Variants in PKLR observed in about 807,000 individuals in gnomAD.
PKLR encodes pyruvate kinase PKLR.
A neutral mutation model predicts 53.6 loss-of-function variants in PKLR; 38 were observed. That is an observed-to-expected ratio of 0.71 (90% CI 0.55 to 0.93). The LOEUF (loss-of-function observed/expected upper bound fraction) is 0.93, where lower values mean the gene tolerates loss of function less well. Ranked by LOEUF, PKLR falls within the 40% of genes least tolerant of loss-of-function variation. The pLI, the probability that PKLR is intolerant of heterozygous loss-of-function variation, is 0.00. For missense variants in PKLR, 702 were observed against 787.3 expected, an observed-to-expected ratio of 0.89 and a Z score of 1.30; for synonymous variants, 328 against 316.2, an observed-to-expected ratio of 1.04 and a Z score of -0.39.
At chr1:155,302,237 CTTTTT>C (rs35615990), upstream of PKLR, among the ~76,000 whole-genome samples, 8 of 118,954 alleles carry the variant, frequency 6.7e-5, no homozygotes, top group African/African-American at 1.0e-4. Flanking sequence ...CTTTTCTTTT[CTTTTT>C]TTTTTTTTTT....
At chr1:155,290,711 A>C (rs753752736) in intron 10 of PKLR, 33 bp from the exon 11 acceptor site, 2 of 1,309,028 alleles carry the variant, frequency 1.5e-6, no homozygotes, top group South Asian at 2.4e-5. Flanking sequence ...ATCATTGGAC[A>C]GGTGTGGTGG....
upstream of PKLR, chr1:155,301,517 T>TC: frequency 7.7e-7 from 1 of 1,302,496 alleles, no homozygotes; most frequent in Non-Finnish European, 1.1e-6. Flanking sequence ...GGCCACCCTG[T>TC]CCCCACAGAA....
At chr1:155,308,257 C>T in the PKLR span, among the ~76,000 whole-genome samples, 4 of 150,904 alleles carry the variant, frequency 2.7e-5, no homozygotes, top group Non-Finnish European at 4.4e-5. Flanking sequence ...TTAGTAGAGA[C>T]GGGGTTTCAC....
At chr1:155,294,447 G>A in intron 6 of PKLR, 35 bp downstream of exon 6, 20 of 1,614,212 alleles carry the variant, frequency 1.2e-5, no homozygotes, top group Middle Eastern at 1.6e-4. Flanking sequence ...GGGGAATAGC[G>A]ACAGGGCCGA....
Position 155,293,576 on chromosome 1 carries a change from C to T in PKLR, c.1131G>A (p.Met377Ile). The T allele has an allele frequency of 6.2e-7, 1 of 1,614,192 alleles. No homozygotes were observed. Among genetic ancestry groups the T allele is most frequent in the Non-Finnish European group, 8.5e-7 (1 of 1,180,036 alleles). Reference protein sequence around the residue: ...VVCATQMLESMITKPRPTRAE... With the variant: ...VVCATQMLESIITKPRPTRAE... The stretch of plus-strand genomic sequence containing the variant: ...CCCTCGTTGGCCGGGGCTTGGTAAT[C>T]ATGCTCTCCAGCATCTGGGGGACAG... Residue 377 changes from methionine to isoleucine, a missense_variant, in exon 8 of 11, where the codon ATG becomes ATA. Coordinates refer to ENST00000342741, the MANE Select transcript of PKLR (RefSeq NM_000298.6). The surrounding 1 kb of genome is among the most constrained non-coding windows in gnomAD (Gnocchi z 4.2).
At chr1:155,297,608 G>A (rs1216365405) in intron 2 of PKLR, among the ~76,000 whole-genome samples, 1 of 152,016 alleles carries the variant, frequency 6.6e-6, no homozygotes, top group African/African-American at 2.4e-5. Flanking sequence ...GCAGCAGCAG[G>A]GGAGGGGAGG....
At position 155,289,408 on chromosome 1, in the gene PKLR, G is replaced by A. The variant is rs758084305; in HGVS notation, c.*1164C>T. 6.6e-6 allele frequency: 1 copy of A among 152,212 alleles called. No individual in the cohort carries two copies. The highest frequency in any genetic ancestry group is 2.4e-5 in the African/African-American group (1 of 41,454). The allele number at this position is 152,212 out of a possible 1,614,324, so 9.4% of individuals were successfully genotyped here. A position where few individuals can be genotyped will look rare whatever the true frequency, so the allele number is the denominator to read the frequency against. On this transcript the variant is annotated 3_prime_UTR_variant, in exon 11 of 11. Transcript: ENST00000342741. ...CTTTTCAGGTAAGGAGACAGGAGGA[G>A]TAGGAGGAGGCAGGGCCTCTCCATG...
At chr1:155,306,973 G>GT in the PKLR span, among the ~76,000 whole-genome samples, 2 of 152,116 alleles carry the variant, frequency 1.3e-5, no homozygotes, top group Non-Finnish European at 2.9e-5. This position sits in a 1 kb window ranked among gnomAD's most constrained non-coding sequence, Gnocchi z 4.2. Context: ...CATTCCTCCC[G>GT]GAGCGATCTC....
chr1:155,298,163 G>A (rs1647703007), intron 2 of PKLR, among the ~76,000 whole-genome samples: 1 of 152,012 alleles, frequency 6.6e-6, no homozygotes, highest in South Asian at 2.1e-4. Flanking sequence ...AGCCTTCCGA[G>A]TAGCTGGGAC....
rs141341788 is a variant in PKLR, at chr1:155,300,270, C to A, written c.111G>T (p.Gly37=). The A allele has an allele frequency of 2.1e-4, 342 of 1,591,042 alleles. No homozygotes were observed. Among genetic ancestry groups the A allele is most frequent in the Admixed American group, 9.3e-4 (52 of 55,660 alleles). ...GGGCCACACTGGCCCGCCGCAGATA[C>A]CCCGCTGGCCCTGTGGTAGAAGGGG... ...ILIGAPGGPA[G]YLRRASVAQL... Residue 37 remains glycine (G), a synonymous_variant, in exon 2 of 11, where the codon GGG becomes GGT. Coordinates refer to ENST00000342741, the MANE Select transcript of PKLR (RefSeq NM_000298.6).
In PKLR at chr1:155,295,637, A is replaced by G. The variant is rs1434239489; in HGVS notation, c.375+28T>C. On this transcript the variant is annotated intron_variant, in intron 3 of 10. Coordinates refer to ENST00000342741, the MANE Select transcript of PKLR (RefSeq NM_000298.6). This position sits in a 1 kb window ranked among gnomAD's most constrained non-coding sequence, Gnocchi z 4.3. Reference sequence around the variant, plus strand: ...GGACCTCGAGGCATCCTCCTGCCCCACCCACTGCCCGGCGGCCCGTCCCGC... The same window carrying G: ...GGACCTCGAGGCATCCTCCTGCCCCGCCCACTGCCCGGCGGCCCGTCCCGC... 2.5e-6 allele frequency: 4 copies of G among 1,613,806 alleles called. No homozygotes were observed. The highest frequency in any genetic ancestry group is 1.7e-5 in the Admixed American group (1 of 60,024).
Position 155,295,804 on chromosome 1 carries a change from A to G in PKLR, c.284-48T>C. 6.5e-7 allele frequency: 1 copy of G among 1,544,270 alleles called. No homozygotes were observed. The highest frequency in any genetic ancestry group is 1.1e-5 in the South Asian group (1 of 89,734). On this transcript the variant is annotated intron_variant, in intron 2 of 10. Transcript: ENST00000342741. This position sits in a 1 kb window ranked among gnomAD's most constrained non-coding sequence, Gnocchi z 4.3. ...AGACAACGTTCCCCCAGAACATGAG[A>G]GGCAACCAAACCCAACCCATTACCA...
In PKLR at chr1:155,295,643, T is replaced by A; in HGVS notation, c.375+22A>T. The A allele has an allele frequency of 6.2e-7, 1 of 1,613,982 alleles. No individual in the cohort carries two copies. The highest frequency in any genetic ancestry group is 8.5e-7 in the Non-Finnish European group (1 of 1,179,924). On this transcript the variant is annotated intron_variant, in intron 3 of 10. Coordinates refer to ENST00000342741, the MANE Select transcript of PKLR (RefSeq NM_000298.6). The surrounding 1 kb of genome is among the most constrained non-coding windows in gnomAD (Gnocchi z 4.3). Reference sequence around the variant, plus strand: ...CGAGGCATCCTCCTGCCCCACCCACTGCCCGGCGGCCCGTCCCGCACCTCG... The same window carrying A: ...CGAGGCATCCTCCTGCCCCACCCACAGCCCGGCGGCCCGTCCCGCACCTCG...
At chr1:155,307,212 C>T in the PKLR span, among the ~76,000 whole-genome samples, 5 of 152,334 alleles carry the variant, frequency 3.3e-5, no homozygotes, top group African/African-American at 7.2e-5. Context: ...TGCACCCAGC[C>T]GTGTTTTGTC....
chr1:155,299,695 G>A (rs60856897), intron 2 of PKLR, among the ~76,000 whole-genome samples: 2 of 150,046 alleles, frequency 1.3e-5, no homozygotes, highest in African/African-American at 4.9e-5. Context: ...TAGTAGAGAC[G>A]GGGTTTCTCC....
At position 155,295,610 on chromosome 1, in the gene PKLR, C is replaced by CAGG; in HGVS notation, c.376-45_376-43dup. On this transcript the variant is annotated intron_variant, in intron 3 of 10. Coordinates refer to ENST00000342741, the MANE Select transcript of PKLR (RefSeq NM_000298.6). The surrounding 1 kb of genome is among the most constrained non-coding windows in gnomAD (Gnocchi z 4.3). Reference sequence around the variant, plus strand: ...AGCGAGGGTTTCAGGGGAAGGTGGCCAGGACCTCGAGGCATCCTCCTGCCC... The same window carrying CAGG: ...AGCGAGGGTTTCAGGGGAAGGTGGCCAGGAGGACCTCGAGGCATCCTCCTGCCC... The CAGG allele has an allele frequency of 6.2e-7, 1 of 1,614,048 alleles. No homozygotes were observed.
Position 155,293,098 on chromosome 1 carries a change from AC to A in PKLR, c.1436+78del. ...GACACTCTTCACCCCTGGTGACCAGACTAAACCCAAGCCTGGGGCCCGTCCC... is the reference window on the plus strand; with the variant it reads ...GACACTCTTCACCCCTGGTGACCAGATAAACCCAAGCCTGGGGCCCGTCCC... On this transcript the variant is annotated intron_variant, in intron 9 of 10. Coordinates refer to ENST00000342741, the MANE Select transcript of PKLR (RefSeq NM_000298.6). The surrounding 1 kb of genome is among the most constrained non-coding windows in gnomAD (Gnocchi z 4.2). 6.8e-7 allele frequency: 1 copy of A among 1,479,284 alleles called. No individual in the cohort carries two copies. The highest frequency in any genetic ancestry group is 9.5e-7 in the Non-Finnish European group (1 of 1,057,232). 91.6% of individuals were successfully genotyped at this position (1,479,284 alleles called of 1,614,324 possible). A position where few individuals can be genotyped will look rare whatever the true frequency, so the allele number is the denominator to read the frequency against.
chr1:155,301,767 CTG>C (rs1648008293), upstream of PKLR, among the ~76,000 whole-genome samples: 1 of 152,064 alleles, frequency 6.6e-6, no homozygotes, highest in South Asian at 2.1e-4. Flanking sequence ...AAAGGGATCA[CTG>C]TGATAATATG....
upstream of PKLR, among the ~76,000 whole-genome samples, chr1:155,302,237 CTTTTTTTTTTTT>C (rs35615990): frequency 8.4e-6 from 1 of 118,956 alleles, no homozygotes; most frequent in Non-Finnish European, 1.7e-5. Context: ...CTTTTCTTTT[CTTTTTTTTTTTT>C]TTTTTGAGAC....
Sources: gnomAD v4.1 joint callset for allele counts (sites outside exome capture counted in the v4.1 genomes callset) on GRCh38, gnomAD v4.1.1 for gene constraint, Gnocchi (gnomAD v3.1) non-coding constraint, MANE v1.5 for transcripts, NCBI Gene and HGNC (gene_info 2026-07-23, HGNC 2026-07-21) for gene names.